The following PTPRQ variants were observed in gnomAD, a reference collection of about 807,000 sequenced individuals.
The protein encoded by PTPRQ is protein tyrosine phosphatase receptor type Q, also known as phosphatidylinositol phosphatase PTPRQ.
Under a neutral mutation model 246.0 loss-of-function variants are expected in PTPRQ, and 199 were observed. That is an observed-to-expected ratio of 0.81 (90% CI 0.72 to 0.91). The LOEUF (loss-of-function observed/expected upper bound fraction) is 0.91. PTPRQ is among the 40% of genes least tolerant of loss of function. The probability of loss-of-function intolerance (pLI) is 0.00; values close to 1 mark genes in which losing one functional copy is unlikely to be tolerated. For missense variants in PTPRQ, 2,624 were observed against 2,528.4 expected (o/e 1.04, Z -0.81); for synonymous variants, 869 against 853.2 (o/e 1.02, Z -0.32).
intron 25 of PTPRQ, among the ~76,000 whole-genome samples, chr12:80,568,460 C>T (rs73349766): frequency 0.06 from 9,094 of 152,160 alleles, 476 homozygotes; most frequent in African/African-American, 0.14. Context: ...CTGTTTTTTA[C>T]TTCCTTCAAG....
chr12:80,449,854 T>A (rs1246568081), intron 3 of PTPRQ, among the ~76,000 whole-genome samples: 1 of 152,134 alleles, frequency 6.6e-6, no homozygotes, highest in Non-Finnish European at 1.5e-5. Context: ...GACTTGGCGA[T>A]GTGGGCTCTT....
At chr12:80,500,103 A>G (rs1894752324) in intron 14 of PTPRQ, among the ~76,000 whole-genome samples, 1 of 151,942 alleles carries the variant, frequency 6.6e-6, no homozygotes, top group Non-Finnish European at 1.5e-5. Flanking sequence ...ACATTTTAAA[A>G]TTTGTCTGCA....
chr12:80,520,198 C>G (rs536478631), intron 17 of PTPRQ, among the ~76,000 whole-genome samples: 1 of 152,206 alleles, frequency 6.6e-6, no homozygotes, highest in South Asian at 2.1e-4. Context: ...TGAATTGTAT[C>G]TCCCATAATT....
intron 8 of PTPRQ, among the ~76,000 whole-genome samples, chr12:80,476,688 C>T (rs1440724546): frequency 6.6e-6 from 1 of 152,072 alleles, no homozygotes; most frequent in Non-Finnish European, 1.5e-5. Flanking sequence ...GGTCATTTTT[C>T]CTTTGTTCCC....
At chr12:80,529,401 A>C (rs146302874) in intron 17 of PTPRQ, among the ~76,000 whole-genome samples, 1,647 of 152,266 alleles carry the variant, frequency 0.011, 15 homozygotes, top group Non-Finnish European at 0.018. Context: ...TAGATTATGC[A>C]CATGGAACAA....
chr12:80,605,017 T>G, intron 26 of PTPRQ, 42 bp from the exon 27 acceptor site: 1 of 1,504,994 alleles, frequency 6.6e-7, no homozygotes. Context: ...TAGCAAGTAC[T>G]AATTCTAATG....
chr12:80,622,219 T>C (rs1899021722), intron 33 of PTPRQ, 85 bp downstream of exon 33: 2 of 1,046,346 alleles, frequency 1.9e-6, no homozygotes, highest in African/African-American at 1.7e-5. Flanking sequence ...AATCCATGTC[T>C]AGATGTTTTA....
intron 38 of PTPRQ, among the ~76,000 whole-genome samples, chr12:80,654,156 T>C (rs1465026333): frequency 6.6e-6 from 1 of 151,994 alleles, no homozygotes; most frequent in African/African-American, 2.4e-5. Context: ...AGTGCGGTAG[T>C]GCAACCTTGG....
chr12:80,655,106 G>T (rs1430351760), intron 38 of PTPRQ, among the ~76,000 whole-genome samples: 1 of 152,048 alleles, frequency 6.6e-6, no homozygotes, highest in African/African-American at 2.4e-5. Context: ...GATGAGAAGA[G>T]AATAAGAGTG....
intron 12 of PTPRQ, among the ~76,000 whole-genome samples, 171 bp downstream of exon 12, chr12:80,495,542 C>T (rs1894590670): frequency 6.6e-6 from 1 of 151,916 alleles, no homozygotes; most frequent in South Asian, 2.1e-4. Context: ...GCATACATAA[C>T]TCGATTAAAT....
intron 35 of PTPRQ, among the ~76,000 whole-genome samples, chr12:80,641,294 A>C (rs184705583): frequency 1.3e-3 from 192 of 152,304 alleles, no homozygotes; most frequent in African/African-American, 4.5e-3. Context: ...CGTCCCAAAC[A>C]TAATAAATTT....
chr12:80,628,300 G>T (rs1433426414), intron 33 of PTPRQ, among the ~76,000 whole-genome samples: 1 of 152,078 alleles, frequency 6.6e-6, no homozygotes, highest in Non-Finnish European at 1.5e-5. Context: ...GCTGATAACT[G>T]TTTTAAATTC....
At chr12:80,654,384 T>G (rs1254345334) in intron 38 of PTPRQ, among the ~76,000 whole-genome samples, 1 of 152,250 alleles carries the variant, frequency 6.6e-6, no homozygotes, top group Non-Finnish European at 1.5e-5. Context: ...CTAGGTTGGA[T>G]GCAATGTAAG....
At chr12:80,563,274 G>T (rs1896880540) in intron 25 of PTPRQ, among the ~76,000 whole-genome samples, 1 of 152,112 alleles carries the variant, frequency 6.6e-6, no homozygotes, top group East Asian at 1.9e-4. Context: ...CGTGTTCATA[G>T]ATGGTTCCTT....
intron 14 of PTPRQ, among the ~76,000 whole-genome samples, chr12:80,504,400 T>C (rs947766596): frequency 3.3e-5 from 5 of 151,834 alleles, no homozygotes; most frequent in African/African-American, 7.2e-5. Context: ...ATTTAAATAA[T>C]TATTTGCTCA....
chr12:80,546,389 C>G (rs1399774388), intron 23 of PTPRQ, among the ~76,000 whole-genome samples, 167 bp from the exon 24 acceptor site: 1 of 152,044 alleles, frequency 6.6e-6, no homozygotes, highest in African/African-American at 2.4e-5. Context: ...ACTGAGCACA[C>G]TCTATGGCAC....
chr12:80,671,363 A>G lies in PTPRQ; in HGVS notation c.6602+871A>G, dbSNP rs77841941. On this transcript the variant is annotated intron_variant, in intron 42 of 44. Coordinates refer to ENST00000644991, the MANE Select transcript of PTPRQ (RefSeq NM_001145026.2). ...AGTATAACAATTTGCTTCTACAGTC[A>G]ATGATTGATTTTATGCTGGCATCAC... Among the ~76,000 whole-genome samples, 9 of 152,236 alleles carry G rather than the reference A, an allele frequency of 5.9e-5. No individual in the cohort carries two copies. The East Asian group carries it at 1.7e-3, about 30-fold the overall frequency.
chr12:80,598,765 C>T (rs1452881003), intron 26 of PTPRQ, among the ~76,000 whole-genome samples: 1 of 151,854 alleles, frequency 6.6e-6, no homozygotes, highest in East Asian at 1.9e-4. Context: ...ATTGTGCAGA[C>T]AATTTAAATT....
chr12:80,611,555 T>C (rs1592715642), intron 28 of PTPRQ, among the ~76,000 whole-genome samples: 1 of 150,334 alleles, frequency 6.7e-6, no homozygotes, highest in East Asian at 1.9e-4. Context: ...TTTTTACTTC[T>C]CAATCCCTCC....
Sources: gnomAD v4.1 joint callset for allele counts (sites outside exome capture counted in the v4.1 genomes callset) on GRCh38, gnomAD v4.1.1 for gene constraint, MANE v1.5 for transcripts, NCBI Gene and HGNC (gene_info 2026-07-23, HGNC 2026-07-21) for gene names.